Variants in LSAMP observed in about 807,000 individuals in gnomAD.
The protein encoded by LSAMP is limbic system associated membrane protein, also known as limbic system-associated membrane protein.
In LSAMP, 7 loss-of-function variants were observed where a neutral mutation model predicts 38.6. The observed-to-expected ratio is 0.18, with a 90% CI of 0.10 to 0.34. The LOEUF is 0.34. LSAMP is among the 10% of genes least tolerant of loss of function. The pLI is 1.00. For missense variants in LSAMP, 313 were observed against 420.0 expected, an observed-to-expected ratio of 0.75 and a Z score of 2.23; for synonymous variants, 154 against 166.8, an observed-to-expected ratio of 0.92 and a Z score of 0.59.
At chr3:115,839,486 G>A (rs1934927289) in intron 6 of LSAMP, among the ~76,000 whole-genome samples, 1 of 152,116 alleles carries the variant, frequency 6.6e-6, no homozygotes, top group Non-Finnish European at 1.5e-5. Context: ...TACAACAGAA[G>A]GAGAGCTTCT....
rs1367904001 is a variant in LSAMP, at chr3:115,859,805, G to C, written c.515-7188C>G. Among the ~76,000 whole-genome samples the C allele has an allele frequency of 2.0e-5, 3 of 152,210 alleles. No individual in the cohort carries two copies. The East Asian group carries it at 5.8e-4, about 29-fold the overall frequency. ...AAATAAGCCAGCTGAAATAGTTTGA[G>C]CTGAGTTTCCAGCCTGAGGCTGCCA... On this transcript the variant is annotated intron_variant, in intron 3 of 6. Transcript: ENST00000490035.
chr3:116,269,240 T>G (rs952632419), intron 1 of LSAMP, among the ~76,000 whole-genome samples: 1 of 152,092 alleles, frequency 6.6e-6, no homozygotes, highest in Admixed American at 6.6e-5. Flanking sequence ...ATAAGCCTTG[T>G]GATAATAAGC....
intron 3 of LSAMP, among the ~76,000 whole-genome samples, chr3:115,882,194 A>G (rs1936340210): frequency 6.6e-6 from 1 of 151,966 alleles, no homozygotes; most frequent in Non-Finnish European, 1.5e-5. Flanking sequence ...GGTTTTTCTG[A>G]GCAACACTCC....
At chr3:116,333,173 T>C (rs1011684043) in intron 1 of LSAMP, among the ~76,000 whole-genome samples, 1 of 152,038 alleles carries the variant, frequency 6.6e-6, no homozygotes, top group Non-Finnish European at 1.5e-5. Context: ...TAACAACGCA[T>C]ATATTCTTCT....
intron 1 of LSAMP, among the ~76,000 whole-genome samples, chr3:116,395,940 A>G (rs905032371): frequency 5.9e-5 from 9 of 152,226 alleles, no homozygotes; most frequent in African/African-American, 2.2e-4. Context: ...TGTGAACTCA[A>G]GGACACATTA....
intron 1 of LSAMP, among the ~76,000 whole-genome samples, chr3:116,188,868 G>A (rs997110582): frequency 2.0e-5 from 3 of 152,170 alleles, no homozygotes; most frequent in African/African-American, 7.2e-5. Flanking sequence ...AATGGGAAAA[G>A]CACAGTGAGA....
intron 3 of LSAMP, among the ~76,000 whole-genome samples, chr3:115,966,763 CA>C (rs556555625): frequency 1.3e-4 from 20 of 152,062 alleles, no homozygotes; most frequent in Non-Finnish European, 2.6e-4. Flanking sequence ...AAAAATACAA[CA>C]ACAAGAAAAT....
At chr3:115,817,459 T>C (rs1488951266) in intron 6 of LSAMP, among the ~76,000 whole-genome samples, 2 of 152,234 alleles carry the variant, frequency 1.3e-5, no homozygotes, top group African/African-American at 4.8e-5. Context: ...AATATTTGTT[T>C]AATTTATAAA....
chr3:116,439,311 A>ATTTTT lies in LSAMP; in HGVS notation c.155+5565_155+5566insAAAAA, dbSNP rs752859898. ...TAGTCCCTCCAGCATAGGTCCTGAG[A>ATTTTT]TTTTGTTGTTTTTTTTTTTTAATGC... On this transcript the variant is annotated intron_variant, in intron 1 of 6. Transcript: ENST00000490035. Among the ~76,000 whole-genome samples, 2 of 130,756 alleles carry ATTTTT rather than the reference A, an allele frequency of 1.5e-5. 1 individual carries two copies. Among genetic ancestry groups the ATTTTT allele is most frequent in the Non-Finnish European group, 3.3e-5 (2 of 61,478 alleles). The allele number at this position is 130,756 out of a possible 152,430, so 85.8% of individuals were successfully genotyped here. A position where few individuals can be genotyped will look rare whatever the true frequency, so the allele number is the denominator to read the frequency against.
intron 1 of LSAMP, among the ~76,000 whole-genome samples, chr3:116,228,783 C>T (rs9834979): frequency 0.5 from 76,229 of 151,896 alleles, 21,552 homozygotes; most frequent in East Asian, 0.75. Context: ...AGCCCGGGCT[C>T]TCAAAGGGAG....
chr3:116,014,368 G>A (rs1278024669), intron 3 of LSAMP, among the ~76,000 whole-genome samples: 2 of 152,012 alleles, frequency 1.3e-5, no homozygotes, highest in African/African-American at 2.4e-5. Context: ...ATTAATCTGA[G>A]TATAATTCTG....
intron 3 of LSAMP, among the ~76,000 whole-genome samples, chr3:115,863,695 C>A (rs981671622): frequency 6.6e-5 from 10 of 151,694 alleles, no homozygotes; most frequent in Non-Finnish European, 4.4e-5. Flanking sequence ...CATTTGATGC[C>A]TTCCTATCCT....
At chr3:116,208,917 G>T (rs1352339775) in intron 1 of LSAMP, among the ~76,000 whole-genome samples, 3 of 152,238 alleles carry the variant, frequency 2.0e-5, no homozygotes, top group Non-Finnish European at 2.9e-5. Flanking sequence ...TTGAGCTGTG[G>T]TGGGCTCCAC....
At chr3:116,316,324 C>G (rs1328012036) in intron 1 of LSAMP, among the ~76,000 whole-genome samples, 1 of 152,118 alleles carries the variant, frequency 6.6e-6, no homozygotes, top group Non-Finnish European at 1.5e-5. Context: ...TTTGGGTATG[C>G]CTTTTAGGTT....
At chr3:115,828,340 T>A (rs1934493366) in intron 6 of LSAMP, among the ~76,000 whole-genome samples, 1 of 152,096 alleles carries the variant, frequency 6.6e-6, no homozygotes, top group African/African-American at 2.4e-5. Flanking sequence ...TTGCTGTTGT[T>A]TTTTGTTTGT....
At chr3:116,351,775 A>T (rs1210154418) in intron 1 of LSAMP, among the ~76,000 whole-genome samples, 1 of 152,100 alleles carries the variant, frequency 6.6e-6, no homozygotes, top group Non-Finnish European at 1.5e-5. Flanking sequence ...TAGCTGGCTC[A>T]CACGTAATGT....
intron 2 of LSAMP, among the ~76,000 whole-genome samples, chr3:116,033,113 T>G (rs555603490): frequency 6.6e-6 from 1 of 152,310 alleles, no homozygotes; most frequent in African/African-American, 2.4e-5. Context: ...ATGTGCAACT[T>G]GAAAAGCTTG....
chr3:116,339,753 C>T (rs1360941425), intron 1 of LSAMP, among the ~76,000 whole-genome samples: 1 of 152,020 alleles, frequency 6.6e-6, no homozygotes, highest in Non-Finnish European at 1.5e-5. Flanking sequence ...CACATGAAGA[C>T]GTCACTGTAA....
At position 116,216,926 on chromosome 3, in the gene LSAMP, T is replaced by C. The variant is rs1000967045; in HGVS notation, c.156-130370A>G. Among the ~76,000 whole-genome samples, 5 of 152,180 alleles carry C rather than the reference T, an allele frequency of 3.3e-5. 1 individual carries two copies. The highest frequency in any genetic ancestry group is 1.2e-4 in the African/African-American group (5 of 41,444). The stretch of plus-strand genomic sequence containing the variant: ...TGTTCTTATGTACTGTTCAGAACCA[T>C]GATGGAAGAAGAACAGATGGTTTAG... On this transcript the variant is annotated intron_variant, in intron 1 of 6. Transcript: ENST00000490035.
Sources: gnomAD v4.1 joint callset for allele counts (sites outside exome capture counted in the v4.1 genomes callset) on GRCh38, gnomAD v4.1.1 for gene constraint, MANE v1.5 for transcripts, NCBI Gene and HGNC (gene_info 2026-07-23, HGNC 2026-07-21) for gene names.